Variants in DUS1L observed in about 807,000 individuals in gnomAD.
The protein encoded by DUS1L is dihydrouridine synthase 1 like, also known as tRNA-dihydrouridine(16/17) synthase [NAD(P)(+)]-like.
In DUS1L, 56 loss-of-function variants were observed where a neutral mutation model predicts 61.2. The observed-to-expected ratio is 0.92, with a 90% CI of 0.74 to 1.14. The LOEUF is 1.14. Ranked by LOEUF, DUS1L falls within the 50% of genes most tolerant of loss-of-function variation. The pLI, the probability that DUS1L is intolerant of heterozygous loss-of-function variation, is 0.00. For missense variants in DUS1L, 630 were observed against 632.4 expected (o/e 1.00, Z 0.04); for synonymous variants, 278 against 259.5 (o/e 1.07, Z -0.69).
At chr17:82,059,481 CAG>C (rs539793225) in intron 11 of DUS1L, 48 of 168,906 alleles carry the variant, frequency 2.8e-4, no homozygotes, top group Admixed American at 1.6e-3. Context: ...CCAGGGGTCT[CAG>C]GGGAGACAGC....
At chr17:82,058,598 C>A in intron 12 of DUS1L, 182 bp from the exon 13 acceptor site, 1 of 1,470,848 alleles carries the variant, frequency 6.8e-7, no homozygotes, top group Non-Finnish European at 9.0e-7. Flanking sequence ...CTCTCTTCCC[C>A]TCCAGGCCTG....
In DUS1L at chr17:82,064,199, C is replaced by T. The variant is rs143630527; in HGVS notation, c.273G>A (p.Ala91=). 7.2e-5 allele frequency: 116 copies of T among 1,612,602 alleles called. No individual in the cohort carries two copies. Among genetic ancestry groups the T allele is most frequent in the African/African-American group, 6.5e-4 (49 of 75,036 alleles). Residue 91 remains alanine, a synonymous_variant, in exon 3 of 14, where the codon GCG becomes GCA. Coordinates refer to ENST00000306796, the MANE Select transcript of DUS1L (RefSeq NM_022156.5). ...CANDPEVFVQ[A]ALLAQDYCDA... ...CACAGTAATCCTGAGCCAGGAGAGCCGCCTGAACAAACACCTCCGGGTCAT... is the reference window on the plus strand; with the variant it reads ...CACAGTAATCCTGAGCCAGGAGAGCTGCCTGAACAAACACCTCCGGGTCAT...
chr17:82,063,022 T>C (rs903331355), intron 4 of DUS1L, 49 bp from the exon 5 acceptor site: 1 of 1,515,788 alleles, frequency 6.6e-7, no homozygotes, highest in African/African-American at 1.4e-5. Context: ...GTTCCCACTT[T>C]AGCGGCCAAG....
At position 82,065,033 on chromosome 17, in the gene DUS1L, G is replaced by C; in HGVS notation, c.27C>G (p.Phe9Leu). ...GGGCCCCTCGCAGGGTGCGGCTCCA[G>C]AACTCGAAGCCCTGCAGCTTTGGCA... MPKLQGFE[F>L]WSRTLRGARH... The change falls in exon 2 of 14, where the codon TTC (phenylalanine) becomes TTG (leucine). Residue 9 changes from phenylalanine to leucine, a missense_variant. Transcript: ENST00000306796. 1 of 1,605,018 alleles carries C rather than the reference G, an allele frequency of 6.2e-7. No homozygotes were observed. Among genetic ancestry groups the C allele is most frequent in the Non-Finnish European group, 8.5e-7 (1 of 1,175,130 alleles).
chr17:82,057,942 C>T lies in DUS1L; in HGVS notation c.*173G>A. On this transcript the variant is annotated 3_prime_UTR_variant, in exon 14 of 14. Coordinates refer to ENST00000306796, the MANE Select transcript of DUS1L (RefSeq NM_022156.5). ...CGTGCTGAGGACAGGGCAGGTCCAG[C>T]CTGGGGCCTGCTCCCCACTGCAGCA... is the stretch of plus-strand genomic sequence containing the variant. The T allele has an allele frequency of 1.4e-6, 1 of 730,490 alleles. No homozygotes were observed. The highest frequency in any genetic ancestry group is 2.0e-6 in the Non-Finnish European group (1 of 489,080). The allele number at this position is 730,490 out of a possible 1,614,324, so 45.3% of individuals were successfully genotyped here.
intron 4 of DUS1L, 125 bp from the exon 5 acceptor site, chr17:82,063,098 C>A: frequency 1.3e-6 from 1 of 798,998 alleles, no homozygotes; most frequent in Non-Finnish European, 2.0e-6. Flanking sequence ...TGGGAGGCAG[C>A]CCGGGCCACC....
intron 1 of DUS1L, 102 bp from the exon 2 acceptor site, chr17:82,065,171 C>T (rs2033711396): frequency 1.9e-6 from 2 of 1,041,586 alleles, no homozygotes; most frequent in African/African-American, 3.2e-5. Context: ...TCCAGTACCA[C>T]CGTTGGGTCA....
intron 3 of DUS1L, 37 bp downstream of exon 3, chr17:82,064,089 C>T: frequency 6.3e-7 from 1 of 1,588,450 alleles, no homozygotes; most frequent in Non-Finnish European, 8.6e-7. Context: ...GCTCTGGCCC[C>T]TGCCCCAGGT....
chr17:82,062,931 T>G lies in DUS1L; in HGVS notation c.440A>C (p.Lys147Thr), dbSNP rs1256881134. 6.2e-7 allele frequency: 1 copy of G among 1,612,958 alleles called. No individual in the cohort carries two copies. Among genetic ancestry groups the G allele is most frequent in the African/African-American group, 1.3e-5 (1 of 74,936 alleles). The change falls in exon 5 of 14, where the codon AAA becomes ACA. Residue 147 changes from lysine to threonine, a missense_variant. By Grantham distance (78) the Lys-to-Thr change is moderately conservative (BLOSUM62 -1). Coordinates refer to ENST00000306796, the MANE Select transcript of DUS1L (RefSeq NM_022156.5). ...HEKLSVPVTC[K>T]IRVFPEIDKT... Reference sequence around the variant, plus strand: ...GTCAATCTCCGGGAAGACACGGATTTTGCACGTGACAGGAACAGAGAGTTT... The same window carrying G: ...GTCAATCTCCGGGAAGACACGGATTGTGCACGTGACAGGAACAGAGAGTTT...
chr17:82,058,678 C>A, intron 12 of DUS1L, 103 bp downstream of exon 12: 1 of 1,575,270 alleles, frequency 6.3e-7, no homozygotes, highest in Non-Finnish European at 8.6e-7. Flanking sequence ...CGTTGCAAAC[C>A]CAGCTGGGCG....
At position 82,058,139 on chromosome 17, in the gene DUS1L, T is replaced by G. The variant is rs762109016; in HGVS notation, c.1398A>C (p.Glu466Asp). Residue 466 changes from glutamate to aspartate, a missense_variant, in exon 14 of 14, where the codon GAA becomes GAC. Transcript: ENST00000306796. ...TTCAGGCCAGGGCACTGCCCATGAC[T>G]TCGGAGAAGCCACCTGGTGTTCCAG... ...AAPGTPGGFSEVMGSALA is the reference protein window; with the variant it reads ...AAPGTPGGFSDVMGSALA 5 of 1,589,970 alleles carry G rather than the reference T, an allele frequency of 3.1e-6. No individual in the cohort carries two copies. Among genetic ancestry groups the G allele is most frequent in the Non-Finnish European group, 3.4e-6 (4 of 1,163,798 alleles).
At chr17:82,063,612 C>T in intron 3 of DUS1L, 94 bp from the exon 4 acceptor site, 1 of 1,537,664 alleles carries the variant, frequency 6.5e-7, no homozygotes, top group Non-Finnish European at 8.9e-7. Context: ...TGCATCCACG[C>T]AGGCCAGGAG....
rs756090448 is a variant in DUS1L at position 82,064,779 on chromosome 17, C to CT, written c.237+43_237+44insA. 3 of 1,482,778 alleles carry CT rather than the reference C, an allele frequency of 2.0e-6. No individual in the cohort carries two copies. In the African/African-American group the frequency reaches 6.5e-5, roughly 32 times the overall value. The allele number at this position is 1,482,778 out of a possible 1,614,324, so 91.9% of individuals were successfully genotyped here. A position where few individuals can be genotyped will look rare whatever the true frequency, so the allele number is the denominator to read the frequency against. ...GGGTTTTTCCCCAGGCATTCCAGGA[C>CT]CGGGAACCCAACCGCGGCCGCGGCC... On this transcript the variant is annotated intron_variant, in intron 2 of 13. Transcript: ENST00000306796.
At position 82,061,685 on chromosome 17, in the gene DUS1L, G is replaced by A; in HGVS notation, c.630C>T (p.Asn210=). 5.0e-6 allele frequency: 8 copies of A among 1,613,050 alleles called. No homozygotes were observed. The highest frequency in any genetic ancestry group is 6.8e-6 in the Non-Finnish European group (8 of 1,179,920). Residue 210 remains asparagine, a synonymous_variant, in exon 7 of 14, where the codon AAC becomes AAT. Transcript: ENST00000306796. ...GCTCCACGTCCTGCAGGCACTGGATGTTCCCGTTAGCAAACACAGGGATGG... is the reference window on the plus strand; with the variant it reads ...GCTCCACGTCCTGCAGGCACTGGATATTCCCGTTAGCAAACACAGGGATGG... ...AVAIPVFANG[N]IQCLQDVERC...
rs779859983 is a variant in DUS1L, at chr17:82,060,030, C to A, written c.1086G>T (p.Glu362Asp). The A allele has an allele frequency of 3.1e-6, 5 of 1,613,702 alleles. No homozygotes were observed. Among genetic ancestry groups the A allele is most frequent in the African/African-American group, 2.7e-5 (2 of 74,910 alleles). ...TCTTGGACAGGACCTCCGTGCCACC[C>A]TCCTCTTCCTCCAGGGCCCGCTTGC... The part of the protein sequence containing the change: ...ARSKRALEEE[E>D]GGTEVLSKNK... Residue 362 changes from glutamate (E) to aspartate (D), a missense_variant, in exon 11 of 14, where the codon GAG (glutamate) becomes GAT (aspartate). Transcript: ENST00000306796.
intron 5 of DUS1L, 43 bp downstream of exon 5, chr17:82,062,818 G>A (rs779743708): frequency 1.3e-6 from 2 of 1,522,536 alleles, no homozygotes; most frequent in Admixed American, 3.3e-5. Flanking sequence ...CTGCGCAAAG[G>A]CCCAGCTGAG....
At chr17:82,058,596 C>T (rs1308345720) in intron 12 of DUS1L, 180 bp from the exon 13 acceptor site, 14 of 1,463,518 alleles carry the variant, frequency 9.6e-6, no homozygotes, top group African/African-American at 4.2e-5. Context: ...GACTCTCTTC[C>T]CCTCCAGGCC....
Position 82,063,317 on chromosome 17 carries a change from A to G in DUS1L, c.397+151T>C, listed in dbSNP as rs1377938729. On this transcript the variant is annotated intron_variant, in intron 4 of 13. Coordinates refer to ENST00000306796, the MANE Select transcript of DUS1L (RefSeq NM_022156.5). ...AACTTCACAGCCACCTCCTTCCAGC[A>G]GAGAGGCTGCTGTGGGCAGGAAGCC... 1.2e-5 allele frequency: 13 copies of G among 1,069,822 alleles called. No individual in the cohort carries two copies. The Admixed American group carries it at 1.9e-4, about 16-fold the overall frequency. The allele number at this position is 1,069,822 out of a possible 1,614,324, so 66.3% of individuals were successfully genotyped here.
intron 1 of DUS1L, 105 bp from the exon 2 acceptor site, chr17:82,065,174 T>C (rs28374526): frequency 0.059 from 59,046 of 1,006,212 alleles, 2,089 homozygotes; most frequent in South Asian, 0.11. Context: ...AGTACCACCG[T>C]TGGGTCACAC....
Sources: gnomAD v4.1 joint callset for allele counts on GRCh38, gnomAD v4.1.1 for gene constraint, MANE v1.5 for transcripts, NCBI Gene and HGNC (gene_info 2026-07-23, HGNC 2026-07-21) for gene names.